The following ERBB4 variants were observed in gnomAD, a reference collection of about 807,000 sequenced individuals.
ERBB4 encodes receptor tyrosine-protein kinase erbB-4.
In ERBB4, 42 loss-of-function variants were observed where a neutral mutation model predicts 158.0. That is an observed-to-expected ratio of 0.27 (90% CI 0.21 to 0.34). The LOEUF (loss-of-function observed/expected upper bound fraction) is 0.34, where lower values mean the gene tolerates loss of function less well. ERBB4 is among the 10% of genes least tolerant of loss of function. ERBB4 has a pLI of 1.00. For synonymous variants in ERBB4, 583 were observed against 558.7 expected (o/e 1.04, Z -0.61); for missense variants, 1,333 against 1,624.1 (o/e 0.82, Z 3.08).
intron 9 of ERBB4, among the ~76,000 whole-genome samples, chr2:211,707,469 T>C (rs955634985): frequency 6.6e-6 from 1 of 152,148 alleles, no homozygotes. Flanking sequence ...GAGAAACATA[T>C]TTTCATTTCC....
At chr2:212,466,237 A>C (rs1353265758) in intron 1 of ERBB4, among the ~76,000 whole-genome samples, 2 of 152,228 alleles carry the variant, frequency 1.3e-5, no homozygotes, top group Admixed American at 1.3e-4. Context: ...ACAGGTTTGA[A>C]CTGCATGGGT....
At chr2:211,998,504 A>G in intron 2 of ERBB4, among the ~76,000 whole-genome samples, 1 of 148,742 alleles carries the variant, frequency 6.7e-6, no homozygotes, top group East Asian at 2.0e-4. Flanking sequence ...TCCAAATGTT[A>G]AATAAACTAC....
At chr2:211,762,339 C>T (rs555923134) in intron 4 of ERBB4, among the ~76,000 whole-genome samples, 1 of 152,330 alleles carries the variant, frequency 6.6e-6, no homozygotes, top group Non-Finnish European at 1.5e-5. Flanking sequence ...AAGATTTCTG[C>T]ATCCTTTGAC....
chr2:212,077,581 C>T (rs1004812547), intron 2 of ERBB4, among the ~76,000 whole-genome samples: 1 of 151,648 alleles, frequency 6.6e-6, no homozygotes, highest in Non-Finnish European at 1.5e-5. Context: ...AGATGTAAAC[C>T]ACAGGTAAAG....
At chr2:211,626,301 T>G (rs1347635128) in intron 17 of ERBB4, among the ~76,000 whole-genome samples, 2 of 152,040 alleles carry the variant, frequency 1.3e-5, no homozygotes, top group Non-Finnish European at 2.9e-5. Flanking sequence ...TAAGCATGTG[T>G]GGAAAAAATA....
At chr2:211,413,481 C>G (rs2063314095) in intron 25 of ERBB4, among the ~76,000 whole-genome samples, 1 of 152,016 alleles carries the variant, frequency 6.6e-6, no homozygotes, top group African/African-American at 2.4e-5. Flanking sequence ...AGCATCATGT[C>G]AAAGATACCA....
At chr2:212,347,971 A>T (rs2089086174) in intron 1 of ERBB4, among the ~76,000 whole-genome samples, 1 of 152,046 alleles carries the variant, frequency 6.6e-6, no homozygotes, top group Admixed American at 6.6e-5. Context: ...AATAGCATTC[A>T]ATTCCTATTT....
At chr2:212,474,822 C>CTTTTTGTTTTTTTTTTTTTTT (rs1689297082) in intron 1 of ERBB4, among the ~76,000 whole-genome samples, 1 of 94,412 alleles carries the variant, frequency 1.1e-5, no homozygotes, top group Non-Finnish European at 1.9e-5. Context: ...CCCGGCCATT[C>CTTTTTGTTTTTTTTTTTTTTT]TTTTTTTTTT....
At chr2:212,182,625 A>G (rs532895833) in intron 1 of ERBB4, among the ~76,000 whole-genome samples, 1 of 151,988 alleles carries the variant, frequency 6.6e-6, no homozygotes, top group South Asian at 2.1e-4. Flanking sequence ...TCTTAGAACC[A>G]GCTCATGCAG....
chr2:211,534,900 C>G (rs1383242196), intron 20 of ERBB4, among the ~76,000 whole-genome samples: 2 of 152,210 alleles, frequency 1.3e-5, no homozygotes, highest in East Asian at 3.9e-4. Context: ...ACTGTGCCAG[C>G]AGCCAGTTGG....
intron 1 of ERBB4, among the ~76,000 whole-genome samples, chr2:212,321,071 T>C (rs1440805847): frequency 2.0e-5 from 3 of 150,000 alleles, no homozygotes; most frequent in Admixed American, 6.7e-5. Context: ...ATAATCACAG[T>C]GGAAAAGGAA....
intron 1 of ERBB4, 124 bp from the exon 2 acceptor site, chr2:212,125,027 G>T: frequency 3.3e-6 from 4 of 1,202,246 alleles, no homozygotes; most frequent in Non-Finnish European, 1.2e-6. Context: ...TAAATATTTC[G>T]ATCGTCATTA....
chr2:211,961,193 G>A (rs2081171476), intron 2 of ERBB4, among the ~76,000 whole-genome samples: 2 of 151,330 alleles, frequency 1.3e-5, no homozygotes, highest in Admixed American at 1.3e-4. Context: ...AATGATGGGA[G>A]ACAGTTCTGC....
intron 1 of ERBB4, among the ~76,000 whole-genome samples, chr2:212,153,739 T>C (rs933545751): frequency 1.3e-5 from 2 of 152,208 alleles, no homozygotes; most frequent in Non-Finnish European, 2.9e-5. Flanking sequence ...ACAGAGCTTT[T>C]ATGCCTTCTA....
At chr2:211,484,834 G>A (rs2065166329) in intron 20 of ERBB4, among the ~76,000 whole-genome samples, 1 of 152,138 alleles carries the variant, frequency 6.6e-6, no homozygotes, top group African/African-American at 2.4e-5. Context: ...AGAACACTTA[G>A]ACATTATCAA....
At chr2:212,040,338 T>C (rs970186780) in intron 2 of ERBB4, among the ~76,000 whole-genome samples, 5 of 152,068 alleles carry the variant, frequency 3.3e-5, no homozygotes, top group Admixed American at 3.3e-4. Flanking sequence ...TCTCTAATGA[T>C]TTTTAGAAAG....
At chr2:211,507,897 T>G (rs1391889097) in intron 20 of ERBB4, among the ~76,000 whole-genome samples, 1 of 152,130 alleles carries the variant, frequency 6.6e-6, no homozygotes, top group Non-Finnish European at 1.5e-5. Context: ...GATTCCCTAT[T>G]TAATAAAAGG....
chr2:211,732,112 G>C (rs1197296867), intron 5 of ERBB4, among the ~76,000 whole-genome samples: 1 of 151,954 alleles, frequency 6.6e-6, no homozygotes, highest in African/African-American at 2.4e-5. Context: ...TCTAATGAAA[G>C]GTTCCCATAG....
intron 3 of ERBB4, among the ~76,000 whole-genome samples, chr2:211,861,998 A>G (rs991715022): frequency 6.6e-6 from 1 of 152,196 alleles, no homozygotes; most frequent in African/African-American, 2.4e-5. Flanking sequence ...TATATTCAGC[A>G]TTTTAAATTC....
Sources: gnomAD v4.1 joint callset for allele counts (sites outside exome capture counted in the v4.1 genomes callset) on GRCh38, gnomAD v4.1.1 for gene constraint, MANE v1.5 for transcripts, NCBI Gene and HGNC (gene_info 2026-07-23, HGNC 2026-07-21) for gene names.